Variants in CCDC157 observed in about 807,000 individuals in gnomAD.
CCDC157 encodes coiled-coil domain containing 157.
Under a neutral mutation model 70.9 loss-of-function variants are expected in CCDC157, and 60 were observed. That is an observed-to-expected ratio of 0.85 (90% CI 0.69 to 1.05). The LOEUF (loss-of-function observed/expected upper bound fraction) is 1.05. CCDC157 is among the 50% of genes least tolerant of loss of function. The pLI, the probability that CCDC157 is intolerant of heterozygous loss-of-function variation, is 0.00. For missense variants in CCDC157, 943 were observed against 984.2 expected (o/e 0.96, Z 0.56); for synonymous variants, 373 against 422.4 (o/e 0.88, Z 1.43).
chr22:30,356,948 GT>G (rs1398800973), upstream of CCDC157: 2 of 590,578 alleles, frequency 3.4e-6, no homozygotes, highest in African/African-American at 1.9e-5. Flanking sequence ...TTCCGGGACC[GT>G]CCCCTCGCCG....
At chr22:30,363,964 G>C (rs1173526287) in intron 2 of CCDC157, among the ~76,000 whole-genome samples, 1 of 152,124 alleles carries the variant, frequency 6.6e-6, no homozygotes, top group Non-Finnish European at 1.5e-5. Context: ...TTACAGGCGT[G>C]AGCCATTGCG....
chr22:30,378,153 A>C lies in CCDC157; in HGVS notation c.*1408A>C. ...TGGGGCTCCCTCCATCTTCAAGTCA[A>C]CAACAGAGGATTTCTCATGTGCTGA... On this transcript the variant is annotated 3_prime_UTR_variant, in exon 12 of 12. Transcript: ENST00000338306. 1 of 471,048 alleles carries C rather than the reference A, an allele frequency of 2.1e-6. No homozygotes were observed. The highest frequency in any genetic ancestry group is 4.4e-6 in the Non-Finnish European group (1 of 226,986). The allele number at this position is 471,048 out of a possible 1,614,324, so 29.2% of individuals were successfully genotyped here. A position where few individuals can be genotyped will look rare whatever the true frequency, so the allele number is the denominator to read the frequency against.
Position 30,375,481 on chromosome 22 carries a change from G to T in CCDC157, c.1675G>T (p.Gly559Cys). 6.2e-7 allele frequency: 1 copy of T among 1,614,108 alleles called. No homozygotes were observed. The highest frequency in any genetic ancestry group is 8.5e-7 in the Non-Finnish European group (1 of 1,180,012). ...AGGTCCTGTCCCATTGGGCACAGGA[G>T]GCAGATCCAGCAGCGTGGAATCCCA... ...HRPTETQIHG[G>C]RSSSVESQIT... Residue 559 changes from glycine (G) to cysteine (C), a missense_variant and splice_region_variant, in exon 10 of 12, where the codon GGC becomes TGC. Physicochemically the swap from Gly to Cys is radical, Grantham distance 159 (BLOSUM62 -3). Coordinates refer to ENST00000338306, the MANE Select transcript of CCDC157 (RefSeq NM_001017437.5).
Position 30,377,040 on chromosome 22 carries a change from G to C in CCDC157, c.*295G>C. 1 of 475,958 alleles carries C rather than the reference G, an allele frequency of 2.1e-6. No individual in the cohort carries two copies. The highest frequency in any genetic ancestry group is 3.5e-5 in the East Asian group (1 of 28,844). The allele number at this position is 475,958 out of a possible 1,614,324, so 29.5% of individuals were successfully genotyped here. On this transcript the variant is annotated 3_prime_UTR_variant, in exon 12 of 12. Transcript: ENST00000338306. Reference sequence around the variant, plus strand: ...GGGCAGAGGAAGCTCCTAAGACCTGGGCCAGGTGAAGGTCCGTTTTTCTAT... The same window carrying C: ...GGGCAGAGGAAGCTCCTAAGACCTGCGCCAGGTGAAGGTCCGTTTTTCTAT...
At chr22:30,374,775 C>G (rs1933219531) in intron 9 of CCDC157, 1 of 455,632 alleles carries the variant, frequency 2.2e-6, no homozygotes, top group South Asian at 1.5e-5. Context: ...TCCCGGGCTC[C>G]TGGAGCCAGA....
intron 1 of CCDC157, among the ~76,000 whole-genome samples, chr22:30,358,929 G>A (rs1932142053): frequency 6.6e-6 from 1 of 152,224 alleles, no homozygotes; most frequent in Non-Finnish European, 1.5e-5. Context: ...GCTTGTATCT[G>A]CATGACTTCA....
upstream of CCDC157, chr22:30,356,931 G>A (rs1305493518): frequency 1.4e-6 from 1 of 691,992 alleles, no homozygotes. Flanking sequence ...AGGTACGACT[G>A]GCGCACTTCC....
chr22:30,376,759 G>A lies in CCDC157; in HGVS notation c.*14G>A, dbSNP rs1933399158. 1 of 1,601,190 alleles carries A rather than the reference G, an allele frequency of 6.2e-7. No individual in the cohort carries two copies. The highest frequency in any genetic ancestry group is 1.3e-5 in the African/African-American group (1 of 74,596). On this transcript the variant is annotated 3_prime_UTR_variant, in exon 12 of 12. Coordinates refer to ENST00000338306, the MANE Select transcript of CCDC157 (RefSeq NM_001017437.5). Reference sequence around the variant, plus strand: ...CGGCCCATGTAGCCTGTGGCCCAGGGCTGAGGCTGGATGGGAGGTGGCTGG... The same window carrying A: ...CGGCCCATGTAGCCTGTGGCCCAGGACTGAGGCTGGATGGGAGGTGGCTGG...
In CCDC157 at chr22:30,370,708, C is replaced by T. The variant is rs754979631; in HGVS notation, c.803C>T (p.Pro268Leu). ...VQDSMGLRPL[P>L]AATVGRWAAE... is the part of the protein sequence containing the mutation. ...GACAGCATGGGGCTCAGGCCACTGCCGGCTGCCACCGTGGGCCGCTGGGCA... is the reference window on the plus strand; with the variant it reads ...GACAGCATGGGGCTCAGGCCACTGCTGGCTGCCACCGTGGGCCGCTGGGCA... The change falls in exon 5 of 12, where the codon CCG becomes CTG. Residue 268 changes from proline (P) to leucine (L), a missense_variant. Physicochemically the swap from Pro to Leu is moderately conservative, Grantham distance 98. Coordinates refer to ENST00000338306, the MANE Select transcript of CCDC157 (RefSeq NM_001017437.5). 14 of 1,613,224 alleles carry T rather than the reference C, an allele frequency of 8.7e-6. No homozygotes were observed. The highest frequency in any genetic ancestry group is 5.3e-5 in the African/African-American group (4 of 74,934).
In CCDC157 at chr22:30,372,202, G is replaced by T; in HGVS notation, c.1251G>T (p.Glu417Asp). The T allele has an allele frequency of 1.3e-6, 2 of 1,594,438 alleles. No individual in the cohort carries two copies. The highest frequency in any genetic ancestry group is 1.7e-6 in the Non-Finnish European group (2 of 1,173,612). The change falls in exon 7 of 12, where the codon GAG becomes GAT. Residue 417 changes from glutamate to aspartate, a missense_variant. Glu to Asp is a conservative substitution (Grantham distance 45). Coordinates refer to ENST00000338306, the MANE Select transcript of CCDC157 (RefSeq NM_001017437.5). ...AQVQLLVGRL[E>D]GAGQQVCWAS... ...TGCAGCTGTTGGTGGGTCGGCTGGA[G>T]GGCGCTGGCCAGCAGGTCTGCTGGG...
intron 2 of CCDC157, among the ~76,000 whole-genome samples, chr22:30,364,311 C>G: frequency 6.6e-6 from 1 of 151,918 alleles, no homozygotes; most frequent in Non-Finnish European, 1.5e-5. Flanking sequence ...GCACTCCAGC[C>G]TGGGTGACAG....
intron 4 of CCDC157, chr22:30,370,037 A>G: frequency 1.9e-6 from 1 of 527,998 alleles, no homozygotes. Context: ...AGAGCCCAGT[A>G]ACCAGCAGCT....
At chr22:30,373,517 G>A (rs759303286) in intron 7 of CCDC157, 80 bp from the exon 8 acceptor site, 3 of 1,473,776 alleles carry the variant, frequency 2.0e-6, no homozygotes, top group Non-Finnish European at 1.8e-6. Context: ...GGTAGTAGAT[G>A]CTGTAGCCTC....
chr22:30,362,845 C>T (rs1238569306), intron 2 of CCDC157, among the ~76,000 whole-genome samples: 4 of 152,152 alleles, frequency 2.6e-5, no homozygotes, highest in Non-Finnish European at 4.4e-5. Context: ...GCCAGGTGCA[C>T]TCAGTGGGGT....
At chr22:30,357,668 A>AT (rs71198545) in intron 1 of CCDC157, among the ~76,000 whole-genome samples, 25,359 of 131,164 alleles carry the variant, frequency 0.19, 2,624 homozygotes, top group Middle Eastern at 0.33. Flanking sequence ...CACCCGGCTA[A>AT]TTTTTTTTTT....
intron 9 of CCDC157, chr22:30,374,850 T>G: frequency 2.4e-6 from 1 of 424,922 alleles, no homozygotes; most frequent in South Asian, 1.7e-5. Context: ...TTCCCAAGCT[T>G]GAGCTGGCCG....
At chr22:30,360,461 C>T (rs1305822997) in intron 1 of CCDC157, among the ~76,000 whole-genome samples, 1 of 151,586 alleles carries the variant, frequency 6.6e-6, no homozygotes, top group African/African-American at 2.4e-5. Flanking sequence ...GCCGAGATCA[C>T]GCCACTGCCC....
rs566704787 is a variant in CCDC157 at position 30,378,059 on chromosome 22, A to G, written c.*1314A>G. 4 of 469,924 alleles carry G rather than the reference A, an allele frequency of 8.5e-6. No homozygotes were observed. Among genetic ancestry groups the G allele is most frequent in the South Asian group, 3.1e-5 (2 of 64,528 alleles). 29.1% of individuals were successfully genotyped at this position (469,924 alleles called of 1,614,324 possible). ...TTGCGGCTGTGGGACTGAGGTCCCCATGTCCTCGCTGGCTGGCTGTAAGCC... is the reference window on the plus strand; with the variant it reads ...TTGCGGCTGTGGGACTGAGGTCCCCGTGTCCTCGCTGGCTGGCTGTAAGCC... On this transcript the variant is annotated 3_prime_UTR_variant, in exon 12 of 12. Transcript: ENST00000338306.
intron 1 of CCDC157, among the ~76,000 whole-genome samples, chr22:30,358,647 C>T (rs1001377847): frequency 2.0e-5 from 3 of 152,146 alleles, no homozygotes; most frequent in African/African-American, 4.8e-5. Context: ...AGAGAGAAGG[C>T]GCTTGAATGT....
Sources: allele counts gnomAD v4.1 joint callset (sites outside exome capture counted in the v4.1 genomes callset), GRCh38; gene constraint gnomAD v4.1.1; transcripts MANE v1.5; gene names NCBI Gene and HGNC (gene_info 2026-07-23, HGNC 2026-07-21).